SNX29: variants seen among roughly 807,000 people sequenced by gnomAD.
SNX29 encodes sorting nexin-29.
A neutral mutation model predicts 102.1 loss-of-function variants in SNX29; 78 were observed. That is an observed-to-expected ratio of 0.76 (90% CI 0.64 to 0.92). SNX29 has a LOEUF of 0.92. Among genes scored for constraint, SNX29 ranks in the 40% least tolerant of loss-of-function variants. SNX29 has a pLI of 0.00. For synonymous variants in SNX29, 580 were observed against 414.5 expected (o/e 1.40, Z -4.85); for missense variants, 1,280 against 1,061.7 (o/e 1.21, Z -2.86).
chr16:12,422,236 C>T (rs915789024), intron 18 of SNX29, among the ~76,000 whole-genome samples: 3 of 152,154 alleles, frequency 2.0e-5, no homozygotes, highest in East Asian at 1.9e-4. Flanking sequence ...AAGGTTATTG[C>T]ACCTGTTGGG....
At chr16:12,168,100 G>A (rs2076059308) in intron 13 of SNX29, among the ~76,000 whole-genome samples, 1 of 152,202 alleles carries the variant, frequency 6.6e-6, no homozygotes, top group Non-Finnish European at 1.5e-5. Flanking sequence ...TGGTGAGGAG[G>A]CAGACAGTAA....
chr16:12,530,540 CG>C (rs957028744), intron 20 of SNX29, among the ~76,000 whole-genome samples: 115 of 132,300 alleles, frequency 8.7e-4, no homozygotes, highest in Middle Eastern at 3.6e-3. Flanking sequence ...AATTTGCCTT[CG>C]TTTTTTTTTT....
chr16:12,170,428 G>A (rs1256428903), intron 13 of SNX29, among the ~76,000 whole-genome samples: 2 of 152,018 alleles, frequency 1.3e-5, no homozygotes, highest in Non-Finnish European at 2.9e-5. Context: ...CCTCTGTTAC[G>A]TGGGGGAGAC....
At chr16:12,266,694 A>AAAT (rs1309904997) in intron 14 of SNX29, among the ~76,000 whole-genome samples, 1 of 151,026 alleles carries the variant, frequency 6.6e-6, no homozygotes, top group African/African-American at 2.4e-5. Context: ...TTGAAAAAAA[A>AAAT]AAAAAAAAGA....
intron 1 of SNX29, among the ~76,000 whole-genome samples, chr16:11,997,847 C>G (rs1438423018): frequency 2.6e-5 from 4 of 152,208 alleles, no homozygotes; most frequent in Non-Finnish European, 4.4e-5. Context: ...GTCCTCAGCT[C>G]TTAAAACATT....
intron 18 of SNX29, among the ~76,000 whole-genome samples, chr16:12,422,938 A>G (rs2084927026): frequency 1.3e-5 from 2 of 152,228 alleles, no homozygotes; most frequent in Non-Finnish European, 1.5e-5. Context: ...TATCTGGAAC[A>G]GGTAGGAAAG....
At chr16:12,062,969 C>T (rs1274089105) in intron 9 of SNX29, among the ~76,000 whole-genome samples, 1 of 152,172 alleles carries the variant, frequency 6.6e-6, no homozygotes, top group Non-Finnish European at 1.5e-5. Context: ...CTGAGTGCTT[C>T]CTGTCTGTCA....
rs114585988 is a variant in SNX29, at chr16:12,451,585, C to T, written c.2038-26134C>T. 9.1e-3 allele frequency among the ~76,000 whole-genome samples: 1,384 copies of T among 152,266 alleles called. 28 individuals are homozygous for T. The highest frequency in any genetic ancestry group is 0.031 in the African/African-American group (1,299 of 41,556). On this transcript the variant is annotated intron_variant, in intron 18 of 20. Transcript: ENST00000566228. ...GTTGCATTCAAGAAACGGATGGGGC[C>T]GGGTGCGGTGGCTCACGCCTGTAAT...
chr16:12,073,516 A>T (rs1346886052), intron 10 of SNX29, among the ~76,000 whole-genome samples: 1 of 151,946 alleles, frequency 6.6e-6, no homozygotes, highest in African/African-American at 2.4e-5. Context: ...TTCTAGTTTG[A>T]TTGCACTGTG....
chr16:12,054,301 A>G (rs555199224), intron 8 of SNX29, among the ~76,000 whole-genome samples: 1 of 152,314 alleles, frequency 6.6e-6, no homozygotes, highest in African/African-American at 2.4e-5. Context: ...CTACTTAATT[A>G]TGAATATTGA....
intron 19 of SNX29, among the ~76,000 whole-genome samples, chr16:12,499,364 G>C (rs1378264179): frequency 6.6e-6 from 1 of 152,226 alleles, no homozygotes; most frequent in East Asian, 1.9e-4. Context: ...AGTTCCAGGT[G>C]ACTGACGGGG....
chr16:12,263,230 C>T (rs1273320628), intron 14 of SNX29, among the ~76,000 whole-genome samples: 1 of 151,096 alleles, frequency 6.6e-6, no homozygotes, highest in African/African-American at 2.4e-5. Context: ...CTCCTGGGTT[C>T]AAGTGATTCT....
chr16:12,046,307 G>A (rs1283191661), intron 5 of SNX29, 77 bp from the exon 6 acceptor site: 19 of 1,462,390 alleles, frequency 1.3e-5, no homozygotes, highest in Admixed American at 1.8e-5. Context: ...CCAGGGAGCC[G>A]TCTAATGGAA....
chr16:12,258,885 GA>G (rs2078652039), intron 14 of SNX29, among the ~76,000 whole-genome samples: 1 of 152,128 alleles, frequency 6.6e-6, no homozygotes, highest in South Asian at 2.1e-4. Flanking sequence ...CCTCCCTTGG[GA>G]AATTTCCCTG....
At chr16:12,248,477 C>T (rs769704344) in intron 14 of SNX29, among the ~76,000 whole-genome samples, 16 of 151,818 alleles carry the variant, frequency 1.1e-4, no homozygotes, top group East Asian at 1.9e-4. Context: ...CTCACTGCAA[C>T]GTCTGCCTCC....
intron 19 of SNX29, among the ~76,000 whole-genome samples, chr16:12,499,375 G>T (rs1056821347): frequency 3.9e-5 from 6 of 152,194 alleles, no homozygotes; most frequent in African/African-American, 1.4e-4. Flanking sequence ...ACTGACGGGG[G>T]TGCCAGTAAT....
chr16:12,013,488 G>GAAGAAA, intron 3 of SNX29, among the ~76,000 whole-genome samples: 1 of 12,980 alleles, frequency 7.7e-5, no homozygotes, highest in Non-Finnish European at 1.7e-4. Context: ...TCTACTGGGG[G>GAAGAAA]AAAAAAAAAA....
chr16:12,163,913 G>C (rs1202707045), intron 13 of SNX29, among the ~76,000 whole-genome samples: 4 of 152,144 alleles, frequency 2.6e-5, no homozygotes, highest in Non-Finnish European at 5.9e-5. Flanking sequence ...CTACAGGAGT[G>C]GGGTGGGGAG....
chr16:12,095,064 T>A (rs1056054396), intron 11 of SNX29: 9 of 152,180 alleles, frequency 5.9e-5, no homozygotes, highest in Admixed American at 2.0e-4. Flanking sequence ...TGCATAATGA[T>A]ACAGACCTGT....
Sources: allele counts gnomAD v4.1 joint callset (sites outside exome capture counted in the v4.1 genomes callset), GRCh38; gene constraint gnomAD v4.1.1; transcripts MANE v1.5; gene names NCBI Gene and HGNC (gene_info 2026-07-23, HGNC 2026-07-21).